Variants in PCDHA9 observed in about 807,000 individuals in gnomAD.
PCDHA9 encodes the protein protocadherin alpha-9.
In PCDHA9, 62 loss-of-function variants were observed where a neutral mutation model predicts 62.0. The observed-to-expected ratio is 1.00, with a 90% CI of 0.81 to 1.23. PCDHA9 has a LOEUF of 1.23. Among genes scored for constraint, PCDHA9 ranks in the 50% most tolerant of loss-of-function variants. The probability of loss-of-function intolerance (pLI) is 0.00; values close to 1 mark genes in which losing one functional copy is unlikely to be tolerated. For missense variants in PCDHA9, 1,205 were observed against 1,249.8 expected (o/e 0.96, Z 0.54); for synonymous variants, 557 against 567.6 (o/e 0.98, Z 0.27).
chr5:140,898,245 T>G (rs1583300763), intron 1 of PCDHA9, among the ~76,000 whole-genome samples: 1 of 152,246 alleles, frequency 6.6e-6, no homozygotes, highest in East Asian at 1.9e-4. Flanking sequence ...TTTGGTGTTT[T>G]AGACATGAAG....
intron 1 of PCDHA9, among the ~76,000 whole-genome samples, chr5:140,873,700 A>G (rs1411262715): frequency 3.3e-5 from 5 of 152,202 alleles, no homozygotes; most frequent in African/African-American, 1.2e-4. Flanking sequence ...TTGCTCTATC[A>G]CCCAGGCTGG....
At chr5:140,877,725 G>A (rs570815670) in intron 1 of PCDHA9, 1 of 1,614,124 alleles carries the variant, frequency 6.2e-7, no homozygotes, top group Non-Finnish European at 8.5e-7. Flanking sequence ...GGTCTTACTC[G>A]CAGCAGAGGA....
chr5:140,895,692 A>G (rs1367486030), intron 1 of PCDHA9, among the ~76,000 whole-genome samples: 1 of 152,138 alleles, frequency 6.6e-6, no homozygotes, highest in African/African-American at 2.4e-5. Flanking sequence ...CTGTTTCTAT[A>G]TTAATTCACT....
At chr5:140,853,303 A>G in intron 1 of PCDHA9, 1 of 982,870 alleles carries the variant, frequency 1.0e-6, no homozygotes, top group Non-Finnish European at 1.2e-6. Flanking sequence ...AAGGGCTGTG[A>G]ACACCTTAGT....
At position 140,863,948 on chromosome 5, in the gene PCDHA9, C is replaced by T. The variant is rs782241873; in HGVS notation, c.2394+13059C>T. On this transcript the variant is annotated intron_variant, in intron 1 of 3. Transcript: ENST00000532602. ...CCTAGGAGGCAGAGGTTGCGGTGAG[C>T]CTAGATTAGGCCACTGCACTACAGC... is the stretch of plus-strand genomic sequence containing the variant. 1.5e-3 allele frequency: 237 copies of T among 158,844 alleles called. 8 individuals carry two copies. The highest frequency in any genetic ancestry group is 2.3e-3 in the Admixed American group (40 of 17,122). 9.8% of individuals were successfully genotyped at this position (158,844 alleles called of 1,614,324 possible). A position where few individuals can be genotyped will look rare whatever the true frequency, so the allele number is the denominator to read the frequency against.
intron 3 of PCDHA9, among the ~76,000 whole-genome samples, chr5:141,002,161 G>T (rs1554258540): frequency 6.6e-6 from 1 of 152,208 alleles, no homozygotes; most frequent in Non-Finnish European, 1.5e-5. Flanking sequence ...CAGAGTGGGC[G>T]GTAGGCAGGC....
In PCDHA9 at chr5:140,851,659, C is replaced by T; in HGVS notation, c.2394+770C>T. The T allele has an allele frequency of 2.2e-6, 2 of 912,906 alleles. 1 individual carries two copies. Among genetic ancestry groups the T allele is most frequent in the Non-Finnish European group, 2.7e-6 (2 of 750,030 alleles). 56.6% of individuals were successfully genotyped at this position (912,906 alleles called of 1,614,324 possible). On this transcript the variant is annotated intron_variant, in intron 1 of 3. Coordinates refer to ENST00000532602, the MANE Select transcript of PCDHA9 (RefSeq NM_031857.2). The stretch of plus-strand genomic sequence containing the variant: ...TTCCTTTCTTCAAGAAGACATTCTC[C>T]TTTTAATTGAAATTTTCTCCATTCA...
At chr5:140,983,904 C>T (rs1227752084) in intron 3 of PCDHA9, among the ~76,000 whole-genome samples, 2 of 152,164 alleles carry the variant, frequency 1.3e-5, no homozygotes, top group African/African-American at 4.8e-5. Context: ...TTCGTTGATT[C>T]TAATCAGCCA....
At chr5:140,998,389 C>T (rs1386157244) in intron 3 of PCDHA9, among the ~76,000 whole-genome samples, 3 of 152,128 alleles carry the variant, frequency 2.0e-5, no homozygotes, top group Non-Finnish European at 4.4e-5. Flanking sequence ...AAGTTTAATG[C>T]CATCTTTATG....
intron 1 of PCDHA9, chr5:140,864,624 A>C (rs2048544669): frequency 6.6e-6 from 1 of 152,110 alleles, no homozygotes; most frequent in African/African-American, 2.4e-5. Flanking sequence ...TTTTTTAAAA[A>C]GAAAACAAAA....
At chr5:140,881,392 A>G (rs2058698624) in intron 1 of PCDHA9, 2 of 979,256 alleles carry the variant, frequency 2.0e-6, no homozygotes. Context: ...CGGTAAGTTA[A>G]ATTCTATTAA....
chr5:140,999,890 T>C (rs2097882236), intron 3 of PCDHA9, among the ~76,000 whole-genome samples: 1 of 152,168 alleles, frequency 6.6e-6, no homozygotes, highest in South Asian at 2.1e-4. Context: ...CAGCTGTAGC[T>C]TGGGACACCA....
intron 1 of PCDHA9, among the ~76,000 whole-genome samples, chr5:140,940,415 A>G (rs1187271340): frequency 2.0e-5 from 3 of 152,118 alleles, no homozygotes; most frequent in African/African-American, 7.2e-5. Flanking sequence ...TAAAAATTAT[A>G]ATTATTACTG....
intron 1 of PCDHA9, among the ~76,000 whole-genome samples, chr5:140,966,026 G>C (rs1586101729): frequency 6.6e-6 from 1 of 152,290 alleles, no homozygotes; most frequent in Non-Finnish European, 1.5e-5. Context: ...TGGGAGTCAG[G>C]TGAATAGTTC....
chr5:140,999,922 C>T (rs2097883458), intron 3 of PCDHA9, among the ~76,000 whole-genome samples: 1 of 152,154 alleles, frequency 6.6e-6, no homozygotes, highest in Non-Finnish European at 1.5e-5. Context: ...AATCTTCTTC[C>T]AGCTCAACTC....
intron 1 of PCDHA9, among the ~76,000 whole-genome samples, chr5:140,947,571 GT>G (rs782708059): frequency 1.8e-4 from 28 of 151,588 alleles, no homozygotes; most frequent in Non-Finnish European, 3.1e-4. Context: ...TATTGGGAAT[GT>G]TTTTAACATT....
chr5:140,992,584 T>G (rs1327367703), intron 3 of PCDHA9, among the ~76,000 whole-genome samples: 1 of 152,194 alleles, frequency 6.6e-6, no homozygotes, highest in Non-Finnish European at 1.5e-5. Context: ...CTGCCTTGTA[T>G]GCATCTAGCG....
intron 1 of PCDHA9, chr5:140,869,706 T>C (rs1554163364): frequency 2.5e-6 from 4 of 1,613,406 alleles, no homozygotes; most frequent in South Asian, 1.1e-5. Flanking sequence ...AGTCTCTGGA[T>C]AGAGAGAAAA....
rs782410675 is a variant in PCDHA9 at position 140,884,460 on chromosome 5, C to G, written c.2394+33571C>G. On this transcript the variant is annotated intron_variant, in intron 1 of 3. Coordinates refer to ENST00000532602, the MANE Select transcript of PCDHA9 (RefSeq NM_031857.2). ...TGCTCGGCACCGCCCACCGAGGGCGCGTGCGCGCCGGGCAAGCCCACTCTA... is the reference window on the plus strand; with the variant it reads ...TGCTCGGCACCGCCCACCGAGGGCGGGTGCGCGCCGGGCAAGCCCACTCTA... The G allele has an allele frequency of 2.5e-6, 4 of 1,613,614 alleles. No individual in the cohort carries two copies. Among genetic ancestry groups the G allele is most frequent in the Non-Finnish European group, 2.5e-6 (3 of 1,179,818 alleles).
Sources: allele counts gnomAD v4.1 joint callset (sites outside exome capture counted in the v4.1 genomes callset), GRCh38; gene constraint gnomAD v4.1.1; transcripts MANE v1.5; gene names NCBI Gene and HGNC (gene_info 2026-07-23, HGNC 2026-07-21).